Variants in R3HDM1 observed in about 807,000 individuals in gnomAD.
R3HDM1 encodes the protein R3H domain-containing protein 1.
R3HDM1 carries 46 observed loss-of-function variants against 141.1 expected under a neutral mutation model. The observed-to-expected ratio is 0.33, with a 90% CI of 0.26 to 0.42. The LOEUF is 0.42. R3HDM1 is among the 10% of genes least tolerant of loss of function. The probability of loss-of-function intolerance (pLI) is 1.00; values close to 1 mark genes in which losing one functional copy is unlikely to be tolerated. For missense variants in R3HDM1, 1,184 were observed against 1,368.3 expected (o/e 0.87, Z 2.12); for synonymous variants, 435 against 472.9 (o/e 0.92, Z 1.04).
intron 1 of R3HDM1, among the ~76,000 whole-genome samples, chr2:135,590,944 A>G (rs888216468): frequency 5.9e-5 from 9 of 152,148 alleles, no homozygotes; most frequent in African/African-American, 1.4e-4. Flanking sequence ...TTCTTGAGAG[A>G]GGGCTGTGAT....
At chr2:135,611,351 T>A (rs1265931571) in intron 3 of R3HDM1, among the ~76,000 whole-genome samples, 1 of 151,898 alleles carries the variant, frequency 6.6e-6, no homozygotes, top group Non-Finnish European at 1.5e-5. Context: ...TAGTGAGCTG[T>A]GATTGCACCA....
At chr2:135,670,148 A>AT (rs2068115826) in intron 19 of R3HDM1, 1 of 308,320 alleles carries the variant, frequency 3.2e-6, no homozygotes, top group African/African-American at 2.3e-5. Context: ...CAAAAAAAAA[A>AT]AAAAAAAAAA....
intron 16 of R3HDM1, among the ~76,000 whole-genome samples, chr2:135,648,776 TA>T (rs80306666): frequency 0.025 from 3,304 of 129,620 alleles, 74 homozygotes; most frequent in African/African-American, 0.072. Context: ...ATTACAACTT[TA>T]AAAAAAAAAA....
At chr2:135,678,829 C>T (rs576178744) in intron 20 of R3HDM1, among the ~76,000 whole-genome samples, 21 of 135,830 alleles carry the variant, frequency 1.5e-4, no homozygotes, top group African/African-American at 5.0e-4. Flanking sequence ...GGCTCATTCT[C>T]AACTCACTGC....
At position 135,715,705 on chromosome 2, in the gene R3HDM1, A is replaced by G. The variant is rs746384007; in HGVS notation, c.2881+11A>G. ...TTGTCCCCGGGCAAGGTAAGTGCACATGAAACTAGTCACAACTTCAGAGAA... is the reference window on the plus strand; with the variant it reads ...TTGTCCCCGGGCAAGGTAAGTGCACGTGAAACTAGTCACAACTTCAGAGAA... On this transcript the variant is annotated intron_variant, in intron 24 of 26. Coordinates refer to ENST00000683871, the MANE Select transcript of R3HDM1 (RefSeq NM_001378107.1). The G allele has an allele frequency of 8.1e-6, 13 of 1,607,534 alleles. No homozygotes were observed. Among genetic ancestry groups the G allele is most frequent in the African/African-American group, 8.0e-5 (6 of 74,678 alleles).
intron 1 of R3HDM1, among the ~76,000 whole-genome samples, chr2:135,591,906 A>C (rs1227705669): frequency 6.6e-6 from 1 of 152,212 alleles, no homozygotes; most frequent in Non-Finnish European, 1.5e-5. Flanking sequence ...TCTCCCCATG[A>C]GGTCAAGATG....
At position 135,535,162 on chromosome 2, in the gene R3HDM1, C is replaced by T. The variant is rs189237982; in HGVS notation, c.-250+3529C>T. ...AATCAATACTCTGTCTTTATAACCA[C>T]ATTTGCATATAGGGATAATAATTTA... is the stretch of plus-strand genomic sequence containing the variant. On this transcript the variant is annotated intron_variant, in intron 1 of 26. Coordinates refer to ENST00000683871, the MANE Select transcript of R3HDM1 (RefSeq NM_001378107.1). Among the ~76,000 whole-genome samples the T allele has an allele frequency of 1.4e-4, 21 of 152,254 alleles. No homozygotes were observed. In the East Asian group the frequency reaches 3.9e-3, roughly 28 times the overall value.
intron 16 of R3HDM1, among the ~76,000 whole-genome samples, chr2:135,647,228 ACTT>A (rs1235228252): frequency 4.6e-5 from 7 of 152,110 alleles, no homozygotes; most frequent in Non-Finnish European, 8.8e-5. Flanking sequence ...CTCGCATAAA[ACTT>A]CTTCCCTGGC....
intron 19 of R3HDM1, among the ~76,000 whole-genome samples, chr2:135,662,113 G>A (rs2066806570): frequency 6.6e-6 from 1 of 152,144 alleles, no homozygotes. Flanking sequence ...CTTCCCAGAT[G>A]TTTAATAAGG....
At position 135,543,584 on chromosome 2, in the gene R3HDM1, T is replaced by A. The variant is rs372479209; in HGVS notation, c.-250+11951T>A. On this transcript the variant is annotated intron_variant, in intron 1 of 26. Transcript: ENST00000683871. Reference sequence around the variant, plus strand: ...GGATAGTATTGCCATTTAAAAAATATTAAATGAGAAATTTTAAAAAATATT... The same window carrying A: ...GGATAGTATTGCCATTTAAAAAATAATAAATGAGAAATTTTAAAAAATATT... 3.3e-5 allele frequency among the ~76,000 whole-genome samples: 5 copies of A among 152,262 alleles called. No individual in the cohort carries two copies. In the South Asian group the frequency reaches 1.0e-3, roughly 32 times the overall value.
At position 135,607,266 on chromosome 2, in the gene R3HDM1, C is replaced by T. The variant is rs775602967; in HGVS notation, c.171+2250C>T. The stretch of plus-strand genomic sequence containing the variant: ...CCTCCCAAACTGCTGAGATTACAGG[C>T]GTGAGCCACCGCTGCTGGCCAAGAA... On this transcript the variant is annotated intron_variant, in intron 3 of 26. Coordinates refer to ENST00000683871, the MANE Select transcript of R3HDM1 (RefSeq NM_001378107.1). The T allele has an allele frequency of 4.5e-5, 44 of 977,396 alleles. No homozygotes were observed. In the African/African-American group the frequency reaches 6.0e-4, roughly 13 times the overall value. 60.5% of individuals were successfully genotyped at this position (977,396 alleles called of 1,614,324 possible).
In R3HDM1 at chr2:135,651,891, TCCACCGCCA is replaced by T; in HGVS notation, c.1893_1901del (p.Pro638_Pro640del). ...CAGCAGCCCCTCCACCACATCCTCC[TCCACCGCCA>T]CCACCACCACCTCCTCCTCCTCCCC... On this transcript the variant is annotated inframe_deletion, in exon 18 of 27. Coordinates refer to ENST00000683871, the MANE Select transcript of R3HDM1 (RefSeq NM_001378107.1). The T allele has an allele frequency of 6.2e-7, 1 of 1,611,558 alleles. No homozygotes were observed. Among genetic ancestry groups the T allele is most frequent in the Non-Finnish European group, 8.5e-7 (1 of 1,177,978 alleles).
At chr2:135,712,211 T>C (rs1225565075) in intron 23 of R3HDM1, among the ~76,000 whole-genome samples, 1 of 152,118 alleles carries the variant, frequency 6.6e-6, no homozygotes, top group African/African-American at 2.4e-5. Flanking sequence ...GGTTACCCTC[T>C]GACACCAGGC....
At chr2:135,606,964 G>GT (rs1251676499) in intron 3 of R3HDM1, among the ~76,000 whole-genome samples, 2 of 43,500 alleles carry the variant, frequency 4.6e-5, no homozygotes, top group Non-Finnish European at 9.1e-5. Context: ...AAGAAACCTG[G>GT]TTTTTTTGGG....
intron 6 of R3HDM1, chr2:135,622,139 A>G (rs1330624704): frequency 2.0e-6 from 2 of 983,760 alleles, no homozygotes; most frequent in Non-Finnish European, 1.2e-6. Context: ...CGAAGATAGC[A>G]TGAATATTTG....
At chr2:135,708,807 A>G (rs1402502952) in intron 21 of R3HDM1, among the ~76,000 whole-genome samples, 1 of 151,902 alleles carries the variant, frequency 6.6e-6, no homozygotes, top group East Asian at 1.9e-4. Context: ...AAAAATGCAA[A>G]AAGTAGCCGG....
chr2:135,638,299 A>T (rs1312214913), intron 11 of R3HDM1, among the ~76,000 whole-genome samples: 1 of 152,238 alleles, frequency 6.6e-6, no homozygotes, highest in Non-Finnish European at 1.5e-5. Context: ...TAAGTGAATG[A>T]AGTGGAATAT....
At chr2:135,628,024 G>A (rs1295728231) in intron 7 of R3HDM1, among the ~76,000 whole-genome samples, 1 of 152,114 alleles carries the variant, frequency 6.6e-6, no homozygotes, top group African/African-American at 2.4e-5. Flanking sequence ...TTAACAGCAT[G>A]TATCAGTTCA....
chr2:135,569,662 T>C (rs1287213224), intron 1 of R3HDM1, among the ~76,000 whole-genome samples: 1 of 152,084 alleles, frequency 6.6e-6, no homozygotes, highest in Non-Finnish European at 1.5e-5. Flanking sequence ...GATTAGGATG[T>C]TAGTACAACT....
Sources: gnomAD v4.1 joint callset for allele counts (sites outside exome capture counted in the v4.1 genomes callset) on GRCh38, gnomAD v4.1.1 for gene constraint, MANE v1.5 for transcripts, NCBI Gene and HGNC (gene_info 2026-07-23, HGNC 2026-07-21) for gene names.